Variants in SIPA1L2 observed in about 807,000 individuals in gnomAD.
SIPA1L2 encodes signal-induced proliferation-associated 1-like protein 2.
In SIPA1L2, 56 loss-of-function variants were observed where a neutral mutation model predicts 163.9. That is an observed-to-expected ratio of 0.34 (90% confidence interval 0.28 to 0.43). The LOEUF (loss-of-function observed/expected upper bound fraction) is 0.43, where lower values mean the gene tolerates loss of function less well. Ranked by LOEUF, SIPA1L2 falls within the 20% of genes least tolerant of loss-of-function variation. SIPA1L2 has a pLI of 1.00. For missense variants in SIPA1L2, 1,974 were observed against 2,193.5 expected, an observed-to-expected ratio of 0.90 and a Z score of 2.00; for synonymous variants, 877 against 865.7, an observed-to-expected ratio of 1.01 and a Z score of -0.23.
intron 19 of SIPA1L2, among the ~76,000 whole-genome samples, chr1:232,410,650 AT>A (rs1660897922): frequency 6.6e-6 from 1 of 152,104 alleles, no homozygotes; most frequent in African/African-American, 2.4e-5. Context: ...ATTTGGGGAT[AT>A]TCCTGGGTGA....
At chr1:232,476,894 G>T (rs924024386) in intron 7 of SIPA1L2, among the ~76,000 whole-genome samples, 5 of 152,192 alleles carry the variant, frequency 3.3e-5, no homozygotes, top group African/African-American at 9.7e-5. Flanking sequence ...AGAAGCCAAG[G>T]TTACAGGCAC....
At chr1:232,442,533 C>T (rs999264756) in intron 12 of SIPA1L2, among the ~76,000 whole-genome samples, 2 of 145,926 alleles carry the variant, frequency 1.4e-5, no homozygotes, top group African/African-American at 5.2e-5. Context: ...GGGCGACAGA[C>T]CGAGACTCCA....
intron 20 of SIPA1L2, among the ~76,000 whole-genome samples, 184 bp from the exon 21 acceptor site, chr1:232,403,755 G>A (rs1660484529): frequency 6.6e-6 from 1 of 152,216 alleles, no homozygotes; most frequent in Non-Finnish European, 1.5e-5. Flanking sequence ...AAAGCATGGA[G>A]ATTGGCTGTC....
intron 10 of SIPA1L2, among the ~76,000 whole-genome samples, chr1:232,455,064 A>G (rs1360610755): frequency 6.6e-6 from 1 of 152,186 alleles, no homozygotes; most frequent in East Asian, 1.9e-4. Context: ...ATCTACCTTA[A>G]ATTCTATAAT....
Position 232,479,724 on chromosome 1 carries a change from G to C in SIPA1L2, c.1988C>G (p.Ser663Cys), listed in dbSNP as rs1665227797. ...YRAQLDNKTD[S>C]TGTHSLYTTY... ...GGTATAGAGAGAGTGCGTGCCCGTG[G>C]AATCAGCTGAAAACAAAGATGAATT... Residue 663 changes from serine to cysteine, a missense_variant, in exon 7 of 23, where the codon TCC becomes TGC. By Grantham distance (112) the Ser-to-Cys change is moderately radical (BLOSUM62 -1). Around this residue, in one of 3 missense-constraint regions of SIPA1L2, gnomAD observed 288 missense variants for 418.9 expected, o/e 0.69. Transcript: ENST00000674635. 1 of 1,612,848 alleles carries C rather than the reference G, an allele frequency of 6.2e-7. No individual in the cohort carries two copies. The highest frequency in any genetic ancestry group is 1.1e-5 in the South Asian group (1 of 91,018).
chr1:232,591,645 T>A (rs1345919663), intron 1 of SIPA1L2, among the ~76,000 whole-genome samples: 1 of 152,260 alleles, frequency 6.6e-6, no homozygotes, highest in Non-Finnish European at 1.5e-5. Context: ...TGGCAAGGTT[T>A]TCTCTCAGTT....
chr1:232,543,442 T>G (rs1231275299), intron 2 of SIPA1L2, among the ~76,000 whole-genome samples: 1 of 149,368 alleles, frequency 6.7e-6, no homozygotes, highest in Non-Finnish European at 1.5e-5. Flanking sequence ...TGTCACCCCT[T>G]TCTCTTCCTC....
intron 3 of SIPA1L2, among the ~76,000 whole-genome samples, chr1:232,506,844 T>C (rs1011155477): frequency 1.3e-5 from 2 of 152,216 alleles, no homozygotes; most frequent in Non-Finnish European, 1.5e-5. Context: ...CTTAAAGAAA[T>C]AGATCATAAT....
intron 15 of SIPA1L2, among the ~76,000 whole-genome samples, chr1:232,434,326 G>A (rs145617437): frequency 0.011 from 1,691 of 152,274 alleles, 40 homozygotes; most frequent in African/African-American, 0.037. Flanking sequence ...GGGTCTCTGC[G>A]TTTTGGAAAA....
At chr1:232,436,116 C>T (rs1662547104) in intron 15 of SIPA1L2, among the ~76,000 whole-genome samples, 1 of 152,158 alleles carries the variant, frequency 6.6e-6, no homozygotes, top group Non-Finnish European at 1.5e-5. Context: ...TCCTGCTTCC[C>T]TAGGTTACCC....
At chr1:232,452,140 G>A (rs1361127094) in intron 10 of SIPA1L2, among the ~76,000 whole-genome samples, 2 of 151,360 alleles carry the variant, frequency 1.3e-5, no homozygotes, top group East Asian at 2.0e-4. Context: ...ACTCACCATC[G>A]TGGACTTCCT....
At chr1:232,499,458 G>C (rs1454874224) in intron 3 of SIPA1L2, among the ~76,000 whole-genome samples, 1 of 152,216 alleles carries the variant, frequency 6.6e-6, no homozygotes, top group Non-Finnish European at 1.5e-5. Flanking sequence ...TTAAGCAAAA[G>C]CCTAATCCAG....
At chr1:232,468,171 C>T (rs1572943908) in intron 8 of SIPA1L2, among the ~76,000 whole-genome samples, 1 of 152,166 alleles carries the variant, frequency 6.6e-6, no homozygotes, top group Non-Finnish European at 1.5e-5. Flanking sequence ...AAGAAATATT[C>T]TTTTGCCAGA....
At chr1:232,451,850 A>G (rs1210805079) in intron 10 of SIPA1L2, among the ~76,000 whole-genome samples, 2 of 152,042 alleles carry the variant, frequency 1.3e-5, no homozygotes, top group African/African-American at 2.4e-5. Context: ...CATGCTACAT[A>G]GGGATCAATA....
At chr1:232,528,473 G>C (rs1667826163) in intron 2 of SIPA1L2, among the ~76,000 whole-genome samples, 1 of 152,134 alleles carries the variant, frequency 6.6e-6, no homozygotes, top group Non-Finnish European at 1.5e-5. Context: ...GGCTTCATCT[G>C]TTCAAAAGAA....
At chr1:232,474,490 A>G (rs560605398) in intron 7 of SIPA1L2, among the ~76,000 whole-genome samples, 1 of 152,314 alleles carries the variant, frequency 6.6e-6, no homozygotes, top group South Asian at 2.1e-4. Context: ...TCACAAGACC[A>G]GTTTTAACTT....
chr1:232,415,477 G>A lies in SIPA1L2; in HGVS notation c.4762+17C>T. Reference sequence around the variant, plus strand: ...TCCCAGGGTAAGGGGTGAGGCCAGAGGCTGGTGAGTCTTTACCTTCAAATG... The same window carrying A: ...TCCCAGGGTAAGGGGTGAGGCCAGAAGCTGGTGAGTCTTTACCTTCAAATG... On this transcript the variant is annotated intron_variant, in intron 19 of 22. Transcript: ENST00000674635. 1 of 1,599,278 alleles carries A rather than the reference G, an allele frequency of 6.3e-7. No homozygotes were observed. The highest frequency in any genetic ancestry group is 1.8e-5 in the Admixed American group (1 of 57,060).
At chr1:232,599,026 AT>A (rs1309846948) in intron 1 of SIPA1L2, among the ~76,000 whole-genome samples, 1 of 151,790 alleles carries the variant, frequency 6.6e-6, no homozygotes, top group African/African-American at 2.4e-5. Context: ...TTTAAATGTA[AT>A]TCGACAGCTG....
intron 1 of SIPA1L2, among the ~76,000 whole-genome samples, 174 bp downstream of exon 1, chr1:232,629,695 C>A (rs571630643): frequency 8.5e-5 from 13 of 152,198 alleles, no homozygotes; most frequent in Admixed American, 6.5e-4. Context: ...CGTCTACAAG[C>A]CGGACCCTGC....
Sources: allele counts gnomAD v4.1 joint callset (sites outside exome capture counted in the v4.1 genomes callset), GRCh38; gene constraint gnomAD v4.1.1; regional missense constraint gnomAD v4.1.1; transcripts MANE v1.5; gene names NCBI Gene and HGNC (gene_info 2026-07-23, HGNC 2026-07-21).